Variants in DSCAM observed in about 807,000 individuals in gnomAD.
DSCAM encodes the protein DS cell adhesion molecule, also known as cell adhesion molecule DSCAM.
Under a neutral mutation model 217.7 loss-of-function variants are expected in DSCAM, and 47 were observed. That is an observed-to-expected ratio of 0.22 (90% CI 0.17 to 0.28). The LOEUF (loss-of-function observed/expected upper bound fraction) is 0.28, where lower values mean the gene tolerates loss of function less well. DSCAM is among the 10% of genes least tolerant of loss of function. The pLI is 1.00. For missense variants in DSCAM, 2,080 were observed against 2,618.3 expected, an observed-to-expected ratio of 0.79 and a Z score of 4.49; for synonymous variants, 1,056 against 1,015.3, an observed-to-expected ratio of 1.04 and a Z score of -0.76.
chr21:40,698,672 C>A (rs1286317815), intron 2 of DSCAM, among the ~76,000 whole-genome samples: 1 of 152,024 alleles, frequency 6.6e-6, no homozygotes, highest in Non-Finnish European at 1.5e-5. Context: ...GAGTTCAAGA[C>A]CAGCCTGGCC....
At chr21:40,225,341 T>G (rs1017191097) in intron 11 of DSCAM, among the ~76,000 whole-genome samples, 1 of 152,146 alleles carries the variant, frequency 6.6e-6, no homozygotes, top group Non-Finnish European at 1.5e-5. Flanking sequence ...ACATCTGCCT[T>G]GTGTTTAGAA....
chr21:40,028,903 G>T (rs1171087933), intron 32 of DSCAM, among the ~76,000 whole-genome samples: 4 of 151,858 alleles, frequency 2.6e-5, no homozygotes, highest in African/African-American at 9.7e-5. Context: ...CAGATAAAGG[G>T]GTGCTCTCCC....
chr21:40,213,649 C>A (rs1398195867), intron 11 of DSCAM, among the ~76,000 whole-genome samples: 1 of 152,094 alleles, frequency 6.6e-6, no homozygotes, highest in Non-Finnish European at 1.5e-5. Flanking sequence ...CGAAGGGAAA[C>A]CTGGCTTGGA....
intron 3 of DSCAM, among the ~76,000 whole-genome samples, chr21:40,371,405 T>A (rs980958336): frequency 7.0e-6 from 1 of 141,872 alleles, no homozygotes; most frequent in Non-Finnish European, 1.5e-5. Context: ...TACAGTTTGA[T>A]AGACAGAAAG....
intron 20 of DSCAM, 149 bp from the exon 21 acceptor site, chr21:40,094,023 G>A: frequency 1.2e-6 from 1 of 824,630 alleles, no homozygotes; most frequent in African/African-American, 1.7e-5. Flanking sequence ...AATATAAAAT[G>A]TAACTGGTAA....
At chr21:40,206,264 C>T (rs905038548) in intron 11 of DSCAM, among the ~76,000 whole-genome samples, 15 of 152,200 alleles carry the variant, frequency 9.9e-5, no homozygotes, top group South Asian at 2.1e-4. Context: ...ATGACAGGAA[C>T]AGGATGTGAG....
intron 3 of DSCAM, among the ~76,000 whole-genome samples, chr21:40,412,559 C>A (rs1481491441): frequency 6.6e-6 from 1 of 152,116 alleles, no homozygotes; most frequent in African/African-American, 2.4e-5. Flanking sequence ...ATCTGTGGAA[C>A]TTTGAACTTG....
intron 3 of DSCAM, among the ~76,000 whole-genome samples, chr21:40,425,468 C>T (rs746337990): frequency 2.0e-5 from 3 of 151,734 alleles, no homozygotes; most frequent in East Asian, 1.9e-4. Flanking sequence ...CAAACCTGCA[C>T]GTTGTGTACA....
chr21:40,768,716 T>A (rs1167566378), intron 1 of DSCAM, among the ~76,000 whole-genome samples: 2 of 152,222 alleles, frequency 1.3e-5, no homozygotes, highest in Non-Finnish European at 2.9e-5. Flanking sequence ...GACCTCCTGA[T>A]GTGGAAGTGC....
chr21:40,432,795 ATC>A (rs964697218), intron 3 of DSCAM, among the ~76,000 whole-genome samples: 4 of 152,152 alleles, frequency 2.6e-5, no homozygotes, highest in Admixed American at 2.0e-4. Flanking sequence ...AGGTGAGATA[ATC>A]TCTGTCATAC....
chr21:40,766,329 G>A (rs931598305), intron 1 of DSCAM, among the ~76,000 whole-genome samples: 8 of 149,356 alleles, frequency 5.4e-5, no homozygotes, highest in African/African-American at 2.0e-4. Flanking sequence ...TTTGGTATGT[G>A]TGTATATATA....
At chr21:40,532,190 C>A (rs57116723) in intron 3 of DSCAM, among the ~76,000 whole-genome samples, 24,457 of 152,012 alleles carry the variant, frequency 0.16, 2,180 homozygotes, top group Middle Eastern at 0.22. Flanking sequence ...GCTTAAAATA[C>A]TTTATACAAA....
rs377532364 is a variant in DSCAM at position 40,470,854 on chromosome 21, A to T, written c.509-101609T>A. On this transcript the variant is annotated intron_variant, in intron 3 of 32. Transcript: ENST00000400454. The stretch of plus-strand genomic sequence containing the variant: ...CAAGTGTGAGCCACCTCACCTGGGC[A>T]TTTATTAAAAATTACTATTATTATG... Among the ~76,000 whole-genome samples the T allele has an allele frequency of 3.3e-4, 51 of 152,290 alleles. No homozygotes were observed. In the East Asian group the frequency reaches 6.0e-3, roughly 18 times the overall value.
chr21:40,109,888 G>A (rs775829818), intron 20 of DSCAM, among the ~76,000 whole-genome samples: 31 of 152,190 alleles, frequency 2.0e-4, no homozygotes, highest in African/African-American at 4.8e-4. Flanking sequence ...CCACCATTGC[G>A]GAGGCTTGAG....
intron 3 of DSCAM, among the ~76,000 whole-genome samples, chr21:40,377,038 C>T (rs551177366): frequency 1.3e-5 from 2 of 151,946 alleles, no homozygotes; most frequent in African/African-American, 2.4e-5. Flanking sequence ...CCAATGTGAC[C>T]GGTGTGTCCT....
At chr21:40,737,480 A>G (rs1040554505) in intron 1 of DSCAM, among the ~76,000 whole-genome samples, 1 of 152,154 alleles carries the variant, frequency 6.6e-6, no homozygotes, top group African/African-American at 2.4e-5. Context: ...TCTACTAAAA[A>G]AAATACAAAA....
At chr21:40,048,437 T>TAATC (rs1259227315) in intron 30 of DSCAM, among the ~76,000 whole-genome samples, 4 of 152,142 alleles carry the variant, frequency 2.6e-5, no homozygotes, top group Non-Finnish European at 4.4e-5. Flanking sequence ...GACAGAGAAG[T>TAATC]AATCAGTGCA....
At chr21:40,070,252 AGGAGGGAG>A (rs1301688054) in intron 27 of DSCAM, among the ~76,000 whole-genome samples, 1 of 121,256 alleles carries the variant, frequency 8.2e-6, no homozygotes, top group Non-Finnish European at 1.7e-5. Context: ...AAGGTAGGGA[AGGAGGGAG>A]GGAGGGAGGG....
At chr21:40,844,377 T>C (rs546980495) in intron 1 of DSCAM, among the ~76,000 whole-genome samples, 119 of 152,296 alleles carry the variant, frequency 7.8e-4, no homozygotes, top group African/African-American at 2.6e-3. Flanking sequence ...TTTTCATCCT[T>C]GATCATATAA....
Sources: gnomAD v4.1 joint callset for allele counts (sites outside exome capture counted in the v4.1 genomes callset) on GRCh38, gnomAD v4.1.1 for gene constraint, MANE v1.5 for transcripts, NCBI Gene and HGNC (gene_info 2026-07-23, HGNC 2026-07-21) for gene names.